Variants in SRRM4 observed in about 807,000 individuals in gnomAD.
SRRM4 encodes serine/arginine repetitive matrix 4, also known as serine/arginine repetitive matrix protein 4.
A neutral mutation model predicts 68.9 loss-of-function variants in SRRM4; 33 were observed. The ratio of observed to expected loss-of-function variants is 0.48; its 90% CI spans 0.36 to 0.64. The LOEUF (loss-of-function observed/expected upper bound fraction) is 0.64, where lower values mean the gene tolerates loss of function less well. Ranked by LOEUF, SRRM4 falls within the 30% of genes least tolerant of loss-of-function variation. SRRM4 has a pLI of 0.00. For synonymous variants in SRRM4, 318 were observed against 318.8 expected, an observed-to-expected ratio of 1.00 and a Z score of 0.03; for missense variants, 817 against 827.1, an observed-to-expected ratio of 0.99 and a Z score of 0.15.
intron 3 of SRRM4, 24 bp downstream of exon 3, chr12:119,114,388 A>C: frequency 1.3e-6 from 2 of 1,582,082 alleles, no homozygotes; most frequent in Non-Finnish European, 8.6e-7. Flanking sequence ...GAGGGAGATA[A>C]AACCTGTAAG....
chr12:119,039,415 G>A (rs543327948), intron 1 of SRRM4, among the ~76,000 whole-genome samples: 1 of 152,240 alleles, frequency 6.6e-6, no homozygotes, highest in Admixed American at 6.5e-5. Context: ...TTATTCCTGG[G>A]TATTTCAAAT....
In SRRM4 at chr12:119,109,604, T is replaced by C. The variant is rs535123768; in HGVS notation, c.279-4674T>C. 6.1e-5 allele frequency among the ~76,000 whole-genome samples: 9 copies of C among 146,962 alleles called. No homozygotes were observed. In the South Asian group the frequency reaches 1.9e-3, roughly 32 times the overall value. On this transcript the variant is annotated intron_variant, in intron 2 of 12. Coordinates refer to ENST00000267260, the MANE Select transcript of SRRM4 (RefSeq NM_194286.4). The stretch of plus-strand genomic sequence containing the variant: ...CACTGATACCCTTTCTTCCACTTGA[T>C]TGAATTGGCTACTGAAGCTTGTGCA...
chr12:118,991,526 A>C (rs1402706514), intron 1 of SRRM4, among the ~76,000 whole-genome samples: 1 of 152,222 alleles, frequency 6.6e-6, no homozygotes, highest in East Asian at 1.9e-4. Flanking sequence ...TTGAGGCCTC[A>C]TGAGGAGAGG....
intron 1 of SRRM4, among the ~76,000 whole-genome samples, chr12:119,045,890 T>C (rs1277995688): frequency 6.6e-6 from 1 of 151,740 alleles, no homozygotes; most frequent in Admixed American, 6.6e-5. Flanking sequence ...TACAAAAAAT[T>C]AGCCAGGCGT....
intron 9 of SRRM4, 62 bp downstream of exon 9, chr12:119,145,747 C>G: frequency 5.2e-6 from 7 of 1,349,164 alleles, no homozygotes; most frequent in Non-Finnish European, 6.8e-6. Context: ...CCTTCTCATG[C>G]TCTCATCCCA....
chr12:119,044,682 A>AG (rs1048070751), intron 1 of SRRM4, among the ~76,000 whole-genome samples: 3 of 152,174 alleles, frequency 2.0e-5, no homozygotes, highest in African/African-American at 7.2e-5. Context: ...CCTAGGTCAT[A>AG]GGGCTGCTGG....
chr12:119,142,402 C>G (rs1954370869), intron 8 of SRRM4, among the ~76,000 whole-genome samples: 1 of 152,194 alleles, frequency 6.6e-6, no homozygotes, highest in East Asian at 1.9e-4. Context: ...TGGTGATACT[C>G]TGAAAGTATC....
chr12:119,038,582 G>A (rs1179852633), intron 1 of SRRM4, among the ~76,000 whole-genome samples: 5 of 152,144 alleles, frequency 3.3e-5, no homozygotes, highest in South Asian at 2.1e-4. Flanking sequence ...AACTTGCTAC[G>A]TCTGTTTGAC....
Position 119,130,700 on chromosome 12 carries a change from G to A in SRRM4, c.637G>A (p.Glu213Lys). The A allele has an allele frequency of 6.2e-7, 1 of 1,610,946 alleles. No individual in the cohort carries two copies. The highest frequency in any genetic ancestry group is 8.5e-7 in the Non-Finnish European group (1 of 1,179,630). The change falls in exon 8 of 13, where the codon GAA (glutamate) becomes AAA (lysine). Residue 213 changes from glutamate to lysine, a missense_variant. Physicochemically the swap from Glu to Lys is moderately conservative, Grantham distance 56 (BLOSUM62 1). Coordinates refer to ENST00000267260, the MANE Select transcript of SRRM4 (RefSeq NM_194286.4). ...ESRHRGRSPE[E>K]GQKSRRRHSR... Reference sequence around the variant, plus strand: ...CAGGCACCGCGGCCGGTCCCCTGAGGAAGGGCAGAAGTCCCGCCGAAGGCA... The same window carrying A: ...CAGGCACCGCGGCCGGTCCCCTGAGAAAGGGCAGAAGTCCCGCCGAAGGCA...
intron 1 of SRRM4, among the ~76,000 whole-genome samples, chr12:119,027,689 AG>A (rs1953558096): frequency 6.6e-6 from 1 of 152,222 alleles, no homozygotes. Flanking sequence ...ACAGTGGGCA[AG>A]TATTCTACAT....
chr12:119,123,642 G>C (rs1230544326), intron 6 of SRRM4, among the ~76,000 whole-genome samples: 1 of 152,058 alleles, frequency 6.6e-6, no homozygotes. Flanking sequence ...AGAGGCAAGA[G>C]AGAAAAAAGA....
intron 1 of SRRM4, among the ~76,000 whole-genome samples, chr12:119,085,706 CA>C (rs2136034000): frequency 6.6e-6 from 1 of 152,292 alleles, no homozygotes; most frequent in Non-Finnish European, 1.5e-5. Context: ...GCATGGACAT[CA>C]GGCTGGCCAG....
chr12:119,058,814 GT>G (rs1953792878), intron 1 of SRRM4, among the ~76,000 whole-genome samples: 1 of 151,944 alleles, frequency 6.6e-6, no homozygotes, highest in Admixed American at 6.6e-5. Flanking sequence ...CAGAGCCATT[GT>G]TCTCTTAACA....
In SRRM4 at chr12:119,161,081, C is replaced by T. The variant is rs982879506; in HGVS notation, c.*4283C>T. 3.9e-5 allele frequency: 6 copies of T among 152,176 alleles called. No homozygotes were observed. The highest frequency in any genetic ancestry group is 1.2e-4 in the African/African-American group (5 of 41,446). 9.4% of individuals were successfully genotyped at this position (152,176 alleles called of 1,614,324 possible). A position where few individuals can be genotyped will look rare whatever the true frequency, so the allele number is the denominator to read the frequency against. ...TGCAAAAGGGTCTGCTTGGAGAGGCCAAAATTCAGGGTGCTCTCAAAGGCA... is the reference window on the plus strand; with the variant it reads ...TGCAAAAGGGTCTGCTTGGAGAGGCTAAAATTCAGGGTGCTCTCAAAGGCA... On this transcript the variant is annotated 3_prime_UTR_variant, in exon 13 of 13. Transcript: ENST00000267260.
Position 119,038,351 on chromosome 12 carries a change from A to G in SRRM4, c.131+56338A>G, listed in dbSNP as rs368256440. ...CTCAGCCTCCCGAGTAGCTGGGACTACAGGCACCCGCCACCATGCCTGGCT... is the reference window on the plus strand; with the variant it reads ...CTCAGCCTCCCGAGTAGCTGGGACTGCAGGCACCCGCCACCATGCCTGGCT... On this transcript the variant is annotated intron_variant, in intron 1 of 12. Coordinates refer to ENST00000267260, the MANE Select transcript of SRRM4 (RefSeq NM_194286.4). 2.2e-3 allele frequency among the ~76,000 whole-genome samples: 335 copies of G among 151,984 alleles called. 8 individuals carry two copies. In the East Asian group the frequency reaches 0.056, roughly 25 times the overall value.
At chr12:119,031,597 A>G (rs1275425234) in intron 1 of SRRM4, among the ~76,000 whole-genome samples, 4 of 152,198 alleles carry the variant, frequency 2.6e-5, no homozygotes, top group Non-Finnish European at 4.4e-5. Context: ...TTACTGATAA[A>G]TTGACCCCTG....
chr12:118,985,935 C>G (rs1414773715), intron 1 of SRRM4, among the ~76,000 whole-genome samples: 1 of 152,086 alleles, frequency 6.6e-6, no homozygotes, highest in Non-Finnish European at 1.5e-5. Context: ...AAAGATATCC[C>G]CTTAAGTAGA....
intron 1 of SRRM4, among the ~76,000 whole-genome samples, chr12:119,059,008 C>A (rs2136020499): frequency 6.6e-6 from 1 of 152,262 alleles, no homozygotes; most frequent in Non-Finnish European, 1.5e-5. Flanking sequence ...CCTTAGATTG[C>A]AGCTATTTAG....
intron 1 of SRRM4, among the ~76,000 whole-genome samples, chr12:119,037,342 G>T (rs1373219767): frequency 3.1e-4 from 47 of 152,260 alleles, no homozygotes; most frequent in Admixed American, 3.1e-3. Context: ...AATCCAGAAT[G>T]CAAACAGATT....
Sources: allele counts gnomAD v4.1 joint callset (sites outside exome capture counted in the v4.1 genomes callset), GRCh38; gene constraint gnomAD v4.1.1; transcripts MANE v1.5; gene names NCBI Gene and HGNC (gene_info 2026-07-23, HGNC 2026-07-21).